Variants in MAPKAPK3 observed in about 807,000 individuals in gnomAD.
MAPKAPK3 encodes the protein MAPK activated protein kinase 3.
Under a neutral mutation model 49.2 loss-of-function variants are expected in MAPKAPK3, and 35 were observed. The ratio of observed to expected loss-of-function variants is 0.71; its 90% CI spans 0.54 to 0.94. The LOEUF is 0.94. Among genes scored for constraint, MAPKAPK3 ranks in the 40% least tolerant of loss-of-function variants. MAPKAPK3 has a pLI of 0.00. For synonymous variants in MAPKAPK3, 178 were observed against 188.7 expected, an observed-to-expected ratio of 0.94 and a Z score of 0.46; for missense variants, 398 against 493.1, an observed-to-expected ratio of 0.81 and a Z score of 1.83.
chr3:50,646,881 G>A (rs1248713728), intron 9 of MAPKAPK3, 56 bp downstream of exon 9: 45 of 1,554,808 alleles, frequency 2.9e-5, no homozygotes, highest in East Asian at 2.7e-4. Context: ...TGGGGCTGCC[G>A]GGCAGGAGGG....
chr3:50,624,305 ATG>A (rs1473641080), intron 2 of MAPKAPK3, among the ~76,000 whole-genome samples: 2 of 150,630 alleles, frequency 1.3e-5, no homozygotes, highest in East Asian at 1.9e-4. Context: ...GTGTATGTGT[ATG>A]TGTGTGTGCA....
At chr3:50,627,641 C>G (rs1402238354) in intron 2 of MAPKAPK3, among the ~76,000 whole-genome samples, 1 of 152,144 alleles carries the variant, frequency 6.6e-6, no homozygotes, top group Non-Finnish European at 1.5e-5. Context: ...AGTCTCGTGG[C>G]AGGAACAGGC....
upstream of MAPKAPK3, among the ~76,000 whole-genome samples, chr3:50,614,936 G>A (rs141957241): frequency 2.0e-5 from 3 of 152,254 alleles, no homozygotes; most frequent in African/African-American, 7.2e-5. Context: ...TTTTACTTAT[G>A]CAACTTAAAA....
chr3:50,612,103 C>G (rs1293515889), exon 1 of MAPKAPK3: 1 of 172,938 alleles, frequency 5.8e-6, no homozygotes, highest in African/African-American at 2.4e-5. Context: ...CGCGTGGACC[C>G]GGGGCTGAAG....
chr3:50,622,326 C>T (rs188335438), intron 2 of MAPKAPK3, among the ~76,000 whole-genome samples: 2 of 152,142 alleles, frequency 1.3e-5, no homozygotes, highest in East Asian at 1.9e-4. Flanking sequence ...CAGTCCAGCC[C>T]ACCTCCCTTT....
rs200989891 is a variant in MAPKAPK3 at position 50,646,735 on chromosome 3, C to T, written c.830-5C>T. 25 of 1,613,884 alleles carry T rather than the reference C, an allele frequency of 1.5e-5. No homozygotes were observed. Among genetic ancestry groups the T allele is most frequent in the South Asian group, 5.5e-5 (5 of 91,070 alleles). ...TCTCTCCCCTCTCTTCCCTGGCCCC[C>T]CTAGCCAAGCAGCTGATCCGCCTCC... On this transcript the variant is annotated splice_polypyrimidine_tract_variant and splice_region_variant and intron_variant, in intron 8 of 10. Transcript: ENST00000621469.
chr3:50,618,280 A>G (rs953788804), intron 2 of MAPKAPK3, among the ~76,000 whole-genome samples: 2 of 152,132 alleles, frequency 1.3e-5, no homozygotes, highest in African/African-American at 4.8e-5. Context: ...TGGCCAGAGG[A>G]CAAGGCTGAT....
intron 2 of MAPKAPK3, among the ~76,000 whole-genome samples, chr3:50,628,022 A>G (rs185445997): frequency 6.6e-6 from 1 of 152,228 alleles, no homozygotes; most frequent in African/African-American, 2.4e-5. Context: ...GGGGGTGGGG[A>G]TGGAAGGTTC....
chr3:50,613,234 G>A (rs1218919881), upstream of MAPKAPK3, among the ~76,000 whole-genome samples: 2 of 152,170 alleles, frequency 1.3e-5, no homozygotes, highest in East Asian at 1.9e-4. Flanking sequence ...GGGCCTGAAC[G>A]ATAGCATCCA....
intron 2 of MAPKAPK3, among the ~76,000 whole-genome samples, chr3:50,638,361 G>C (rs537482166): frequency 5.9e-5 from 9 of 152,280 alleles, no homozygotes; most frequent in Admixed American, 2.0e-4. Flanking sequence ...GGAGGCAAGT[G>C]GGGGGCACTG....
At chr3:50,623,386 A>G (rs545967221) in intron 2 of MAPKAPK3, among the ~76,000 whole-genome samples, 34 of 152,312 alleles carry the variant, frequency 2.2e-4, no homozygotes, top group African/African-American at 7.7e-4. Flanking sequence ...TTGTTCTGAG[A>G]TGGTTCGTAC....
At chr3:50,627,621 A>G (rs1385121720) in intron 2 of MAPKAPK3, among the ~76,000 whole-genome samples, 3 of 152,138 alleles carry the variant, frequency 2.0e-5, no homozygotes, top group African/African-American at 7.2e-5. Context: ...GGAGTGAGTC[A>G]CTGCCGCCTA....
At chr3:50,623,856 C>T (rs2032669701) in intron 2 of MAPKAPK3, among the ~76,000 whole-genome samples, 1 of 152,236 alleles carries the variant, frequency 6.6e-6, no homozygotes, top group South Asian at 2.1e-4. Flanking sequence ...ATTGTCCTCT[C>T]TGGCTCCACT....
At chr3:50,612,084 C>A (rs1287955261) in exon 1 of MAPKAPK3, 3 of 184,294 alleles carry the variant, frequency 1.6e-5, no homozygotes, top group South Asian at 1.6e-4. Flanking sequence ...CGGGGAGGGC[C>A]AATAGCAGCG....
At chr3:50,642,750 A>C (rs926932699) in intron 5 of MAPKAPK3, among the ~76,000 whole-genome samples, 1 of 152,216 alleles carries the variant, frequency 6.6e-6, no homozygotes, top group Admixed American at 6.5e-5. Flanking sequence ...GGATTCATTC[A>C]TTCATTTGTT....
chr3:50,635,920 CAAAAAAA>C (rs748358137), intron 2 of MAPKAPK3, among the ~76,000 whole-genome samples: 1 of 73,492 alleles, frequency 1.4e-5, no homozygotes, highest in African/African-American at 9.3e-5. Context: ...CCGTCTCTAC[CAAAAAAA>C]AAAAAAAAAA....
At chr3:50,633,206 C>T (rs1334505363) in intron 2 of MAPKAPK3, among the ~76,000 whole-genome samples, 1 of 152,078 alleles carries the variant, frequency 6.6e-6, no homozygotes, top group Non-Finnish European at 1.5e-5. Flanking sequence ...GGCACCTCTC[C>T]GTGGCCAGTT....
In MAPKAPK3 at chr3:50,647,209, T is replaced by C; in HGVS notation, c.996+6T>C. 6.3e-7 allele frequency: 1 copy of C among 1,578,730 alleles called. No homozygotes were observed. ...ACCACTGGGACGAAGTCAAGGTGGG[T>C]GGGCTCTGCCTCAGTCTCAATACAG... On this transcript the variant is annotated splice_donor_region_variant and intron_variant, in intron 10 of 10. Transcript: ENST00000621469.
Position 50,617,578 on chromosome 3 carries a change from A to G in MAPKAPK3, c.13A>G (p.Thr5Ala). 1 of 1,567,836 alleles carries G rather than the reference A, an allele frequency of 6.4e-7. No individual in the cohort carries two copies. Among genetic ancestry groups the G allele is most frequent in the Non-Finnish European group, 8.7e-7 (1 of 1,142,930 alleles). The change falls in exon 2 of 11, where the codon ACA becomes GCA. Residue 5 changes from threonine to alanine, a missense_variant. Transcript: ENST00000621469. Reference sequence around the variant, plus strand: ...CCCCGCGGGGGCCATGGATGGTGAAACAGCAGAGGAGCAGGGGGGCCCTGT... The same window carrying G: ...CCCCGCGGGGGCCATGGATGGTGAAGCAGCAGAGGAGCAGGGGGGCCCTGT... MDGE[T>A]AEEQGGPVPP...
Sources: allele counts gnomAD v4.1 joint callset (sites outside exome capture counted in the v4.1 genomes callset), GRCh38; gene constraint gnomAD v4.1.1; transcripts MANE v1.5; gene names NCBI Gene and HGNC (gene_info 2026-07-23, HGNC 2026-07-21).